The following HECW1 variants were observed in gnomAD, a reference collection of about 807,000 sequenced individuals.
HECW1 encodes E3 ubiquitin-protein ligase HECW1.
HECW1 carries 61 observed loss-of-function variants against 182.3 expected under a neutral mutation model. The observed-to-expected ratio is 0.33, with a 90% CI of 0.27 to 0.41. The LOEUF is 0.41. Ranked by LOEUF, HECW1 falls within the 10% of genes least tolerant of loss-of-function variation. The pLI is 1.00. For missense variants in HECW1, 1,739 were observed against 2,108.9 expected (o/e 0.82, Z 3.44); for synonymous variants, 859 against 832.6 (o/e 1.03, Z -0.55).
intron 5 of HECW1, among the ~76,000 whole-genome samples, chr7:43,335,687 T>TTTCC (rs1052828446): frequency 1.3e-5 from 2 of 152,172 alleles, no homozygotes; most frequent in Non-Finnish European, 1.5e-5. Context: ...TTTCTTTCTT[T>TTTCC]TTCCTTCCTT....
chr7:43,126,395 T>C (rs1786248523), intron 2 of HECW1, among the ~76,000 whole-genome samples: 1 of 152,202 alleles, frequency 6.6e-6, no homozygotes, highest in South Asian at 2.1e-4. Flanking sequence ...CCTTCTGTTT[T>C]CATAGATAAG....
chr7:43,315,470 T>TATC (rs1269843701), intron 4 of HECW1, among the ~76,000 whole-genome samples: 1 of 57,764 alleles, frequency 1.7e-5, no homozygotes, highest in Non-Finnish European at 4.0e-5. Flanking sequence ...TTATTGTTAT[T>TATC]ATTATTATTA....
Position 43,561,908 on chromosome 7 carries a change from C to A in HECW1, c.4803C>A (p.Ser1601Arg). ...TGTTAACAGCAGTAGAGGAAACCAG[C>A]ACCTTTGGACTTGAGTGAGGACATG... ...EKLLTAVEET[S>R]TFGLE The change falls in exon 30 of 30, where the codon AGC becomes AGA. Residue 1601 changes from serine to arginine, a missense_variant. By Grantham distance (110) the Ser-to-Arg change is moderately radical. Coordinates refer to ENST00000395891, the MANE Select transcript of HECW1 (RefSeq NM_015052.5). The A allele has an allele frequency of 1.9e-6, 3 of 1,608,782 alleles. No homozygotes were observed. Among genetic ancestry groups the A allele is most frequent in the Non-Finnish European group, 2.6e-6 (3 of 1,175,098 alleles).
intron 2 of HECW1, among the ~76,000 whole-genome samples, chr7:43,143,215 C>G (rs1261598427): frequency 6.6e-6 from 1 of 152,200 alleles, no homozygotes; most frequent in Admixed American, 6.5e-5. Flanking sequence ...AGATGATCCA[C>G]CCACCTCAGC....
In HECW1 at chr7:43,293,156, G is replaced by T. The variant is rs1466679786; in HGVS notation, c.28-18607G>T. ...AATCGCTTGAACCCGGGAGGCGGAGGTTGCAGTAAGCCGAGATTGTGCCAC... is the reference window on the plus strand; with the variant it reads ...AATCGCTTGAACCCGGGAGGCGGAGTTTGCAGTAAGCCGAGATTGTGCCAC... On this transcript the variant is annotated intron_variant, in intron 3 of 29. Transcript: ENST00000395891. Among the ~76,000 whole-genome samples, 21 of 146,360 alleles carry T rather than the reference G, an allele frequency of 1.4e-4. No homozygotes were observed. In the Admixed American group the frequency reaches 1.5e-3, roughly 10 times the overall value.
At chr7:43,415,858 G>C (rs1158819561) in intron 8 of HECW1, among the ~76,000 whole-genome samples, 2 of 134,422 alleles carry the variant, frequency 1.5e-5, no homozygotes, top group Admixed American at 1.5e-4. Flanking sequence ...CGTAGTTCTC[G>C]AGCCTTGGTT....
In HECW1 at chr7:43,407,693, A is replaced by G; in HGVS notation, c.763A>G (p.Ile255Val). The change falls in exon 8 of 30, where the codon ATC (isoleucine) becomes GTC (valine). Residue 255 changes from isoleucine to valine, a missense_variant. This residue lies in a region of HECW1 where 279 missense variants were observed against 353.1 expected (regional missense o/e 0.79). Transcript: ENST00000395891. ...PHHGQERRSK[I>V]IGNTVNPIWQ... ...CCATGGACAGGAGAGGAGATCCAAGATCATAGGCAACACCGTGAACCCCAT... is the reference window on the plus strand; with the variant it reads ...CCATGGACAGGAGAGGAGATCCAAGGTCATAGGCAACACCGTGAACCCCAT... 1 of 1,613,936 alleles carries G rather than the reference A, an allele frequency of 6.2e-7. No individual in the cohort carries two copies. Among genetic ancestry groups the G allele is most frequent in the Non-Finnish European group, 8.5e-7 (1 of 1,179,932 alleles).
intron 6 of HECW1, among the ~76,000 whole-genome samples, chr7:43,384,976 G>A (rs1463150888): frequency 6.6e-6 from 1 of 151,964 alleles, no homozygotes; most frequent in Non-Finnish European, 1.5e-5. Context: ...GATGAAAAGA[G>A]CTAACTCTTG....
intron 2 of HECW1, among the ~76,000 whole-genome samples, chr7:43,229,149 C>T (rs1208622102): frequency 2.6e-5 from 4 of 152,174 alleles, no homozygotes; most frequent in African/African-American, 4.8e-5. Context: ...AAATTAGATA[C>T]GTTTCCGGTG....
At chr7:43,146,249 T>C (rs546726445) in intron 2 of HECW1, among the ~76,000 whole-genome samples, 15 of 152,324 alleles carry the variant, frequency 9.8e-5, no homozygotes, top group African/African-American at 3.6e-4. Context: ...AATTCTTTTT[T>C]GTTGGAGGCT....
intron 6 of HECW1, among the ~76,000 whole-genome samples, chr7:43,369,023 G>A (rs1007520845): frequency 6.6e-6 from 1 of 152,168 alleles, no homozygotes; most frequent in South Asian, 2.1e-4. Context: ...CATCTATGAA[G>A]CCCTGGTGTT....
intron 3 of HECW1, among the ~76,000 whole-genome samples, chr7:43,247,941 G>T: frequency 8.4e-6 from 1 of 118,454 alleles, no homozygotes; most frequent in African/African-American, 4.2e-5. Context: ...AAAAGAGAGA[G>T]AAAAAAGGAG....
chr7:43,153,712 T>A (rs1187943702), intron 2 of HECW1, among the ~76,000 whole-genome samples: 1 of 152,158 alleles, frequency 6.6e-6, no homozygotes, highest in Non-Finnish European at 1.5e-5. Flanking sequence ...TTTCCTGAGG[T>A]CTGACCGAGG....
At chr7:43,459,978 A>G (rs995746446) in intron 13 of HECW1, among the ~76,000 whole-genome samples, 1 of 152,264 alleles carries the variant, frequency 6.6e-6, no homozygotes, top group African/African-American at 2.4e-5. Flanking sequence ...ATTGCCGCAT[A>G]GTCTTCAGGT....
chr7:43,149,881 C>A (rs1193749448), intron 2 of HECW1, among the ~76,000 whole-genome samples: 1 of 151,860 alleles, frequency 6.6e-6, no homozygotes, highest in African/African-American at 2.4e-5. Flanking sequence ...ATTTTTACTT[C>A]TTTTTTCATC....
At chr7:43,442,726 A>G (rs2076927896) in intron 10 of HECW1, 97 bp downstream of exon 10, 1 of 839,252 alleles carries the variant, frequency 1.2e-6, no homozygotes, top group Non-Finnish European at 2.0e-6. Flanking sequence ...CTCCAGATGT[A>G]TCCTAGGTTT....
intron 5 of HECW1, among the ~76,000 whole-genome samples, chr7:43,347,127 T>C (rs1813786414): frequency 6.6e-6 from 1 of 152,360 alleles, no homozygotes; most frequent in South Asian, 2.1e-4. Flanking sequence ...TCCATGAGCT[T>C]GGGATGTGTT....
intron 24 of HECW1, chr7:43,523,249 C>T (rs752939813): frequency 4.6e-6 from 1 of 217,128 alleles, no homozygotes; most frequent in South Asian, 5.1e-5. Flanking sequence ...AGTTGATTCA[C>T]CTGCCTCGGC....
rs548549863 is a variant in HECW1, at chr7:43,445,523, C to T, written c.2351C>T (p.Pro784Leu). The T allele has an allele frequency of 2.5e-6, 4 of 1,609,406 alleles. No individual in the cohort carries two copies. The African/African-American group carries it at 5.3e-5, about 22-fold the overall frequency. ...AAPSGHVERS[P>L]EGLESPVAGP... ...CCTAGCGGGCACGTGGAAAGAAGCC[C>T]GGAAGGTCTGGAATCCCCCGTGGCA... Residue 784 changes from proline (P) to leucine (L), a missense_variant, in exon 11 of 30, where the codon CCG (proline) becomes CTG (leucine). Physicochemically the swap from Pro to Leu is moderately conservative, Grantham distance 98. This residue lies in a region of HECW1 where 971 missense variants were observed against 1,029.1 expected (regional missense o/e 0.94). Coordinates refer to ENST00000395891, the MANE Select transcript of HECW1 (RefSeq NM_015052.5).
Sources: allele counts gnomAD v4.1 joint callset (sites outside exome capture counted in the v4.1 genomes callset), GRCh38; gene constraint gnomAD v4.1.1; regional missense constraint gnomAD v4.1.1; transcripts MANE v1.5; gene names NCBI Gene and HGNC (gene_info 2026-07-23, HGNC 2026-07-21).